The following MMRN1 variants were observed in gnomAD, a reference collection of about 807,000 sequenced individuals.
MMRN1 encodes multimerin-1.
Under a neutral mutation model 100.7 loss-of-function variants are expected in MMRN1, and 94 were observed. The ratio of observed to expected loss-of-function variants is 0.93; its 90% confidence interval spans 0.79 to 1.11. The LOEUF is 1.11. MMRN1 is among the 50% of genes least tolerant of loss of function. The probability of loss-of-function intolerance (pLI) is 0.00; values close to 1 mark genes in which losing one functional copy is unlikely to be tolerated. For synonymous variants in MMRN1, 575 were observed against 505.0 expected (o/e 1.14, Z -1.86); for missense variants, 1,606 against 1,439.1 (o/e 1.12, Z -1.88).
chr4:89,930,326 TAA>T (rs1177290215), intron 5 of MMRN1, among the ~76,000 whole-genome samples: 1 of 152,168 alleles, frequency 6.6e-6, no homozygotes, highest in African/African-American at 2.4e-5. Flanking sequence ...TATTTTTCCA[TAA>T]AAGTGTTAAA....
In MMRN1 at chr4:89,954,327, C is replaced by A. The variant is rs923406592; in HGVS notation, c.*909C>A. The A allele has an allele frequency of 1.3e-5, 2 of 152,154 alleles. No individual in the cohort carries two copies. Among genetic ancestry groups the A allele is most frequent in the South Asian group, 4.2e-4 (2 of 4,814 alleles). 9.4% of individuals were successfully genotyped at this position (152,154 alleles called of 1,614,324 possible). A position where few individuals can be genotyped will look rare whatever the true frequency, so the allele number is the denominator to read the frequency against. ...TACCATGATTTTTATAGTTGAAGAA[C>A]CTAAGACACAGAGACCAAGGCCCAT... is the stretch of plus-strand genomic sequence containing the variant. On this transcript the variant is annotated 3_prime_UTR_variant, in exon 8 of 8. Transcript: ENST00000264790.
rs747670984 is a variant in MMRN1 at position 89,953,096 on chromosome 4, T to A, written c.3365T>A (p.Leu1122Ter). The A allele has an allele frequency of 3.7e-6, 6 of 1,613,896 alleles. No homozygotes were observed. The highest frequency in any genetic ancestry group is 5.1e-6 in the Non-Finnish European group (6 of 1,179,866). Residue 1122 changes from leucine (L) to a stop codon, truncating the protein, a stop_gained, in exon 8 of 8, where the codon TTG becomes TAG. Transcript: ENST00000264790. LOFTEE classifies it high-confidence loss of function. Reference sequence around the variant, plus strand: ...CCTGGTCCTATCCTGTTTAATAACTTGGATGTCAATTATGGAGCTTCATAT... The same window carrying A: ...CCTGGTCCTATCCTGTTTAATAACTAGGATGTCAATTATGGAGCTTCATAT... ...TIPGPILFNN[L>*]DVNYGASYTP... is the part of the protein sequence containing the mutation.
chr4:89,935,527 T>A lies in MMRN1; in HGVS notation c.1847T>A (p.Val616Glu), dbSNP rs371283075. ...QLKDTEENLH[V>E]LNQTLAEVLF... The stretch of plus-strand genomic sequence containing the variant: ...AAGGACACAGAAGAGAATTTACATG[T>A]GTTAAATCAAACATTGGCTGAAGTT... The change falls in exon 6 of 8, where the codon GTG becomes GAG. Residue 616 changes from valine (V) to glutamate (E), a missense_variant. Coordinates refer to ENST00000264790, the MANE Select transcript of MMRN1 (RefSeq NM_007351.3). 1.9e-4 allele frequency: 311 copies of A among 1,613,082 alleles called. No individual in the cohort carries two copies. The highest frequency in any genetic ancestry group is 2.6e-4 in the Non-Finnish European group (305 of 1,179,674).
In MMRN1 at chr4:89,923,158, T is replaced by G. The variant is rs750109004; in HGVS notation, c.851-10T>G. The G allele has an allele frequency of 6.2e-7, 1 of 1,611,186 alleles. No individual in the cohort carries two copies. The highest frequency in any genetic ancestry group is 2.2e-5 in the East Asian group (1 of 44,832). ...TTAACTGTCTCTCTTCTCTTTCTGC[T>G]TCCTTCTAGCCCAGGAACAGCAAAG... On this transcript the variant is annotated splice_polypyrimidine_tract_variant and intron_variant, in intron 3 of 7. Transcript: ENST00000264790.
chr4:89,908,583 T>G (rs1210737924), intron 1 of MMRN1, among the ~76,000 whole-genome samples: 1 of 151,504 alleles, frequency 6.6e-6, no homozygotes, highest in Non-Finnish European at 1.5e-5. Context: ...AACACTTCTT[T>G]TGCTGAATTT....
intron 1 of MMRN1, among the ~76,000 whole-genome samples, chr4:89,889,538 T>C (rs1378558278): frequency 6.6e-6 from 1 of 152,140 alleles, no homozygotes; most frequent in East Asian, 1.9e-4. Flanking sequence ...CACATCCGCC[T>C]GTGGGAGCCA....
In MMRN1 at chr4:89,951,703, G is replaced by A. The variant is rs754162596; in HGVS notation, c.3217G>A (p.Gly1073Ser). ...CTGTGCCTGCAGACATCCTTTTACT[G>A]GTGACAACTGCACTATCAAGCTTGT... Reference protein sequence around the residue: ...FTCACRHPFTGDNCTIKLVEE... With the variant: ...FTCACRHPFTSDNCTIKLVEE... Residue 1073 changes from glycine to serine, a missense_variant, in exon 7 of 8, where the codon GGT becomes AGT. By Grantham distance (56) the Gly-to-Ser change is moderately conservative. Transcript: ENST00000264790. 6 of 1,609,520 alleles carry A rather than the reference G, an allele frequency of 3.7e-6. No homozygotes were observed. Among genetic ancestry groups the A allele is most frequent in the Non-Finnish European group, 5.1e-6 (6 of 1,178,492 alleles).
chr4:89,949,973 TA>T (rs1354739162), intron 6 of MMRN1, among the ~76,000 whole-genome samples: 1 of 152,222 alleles, frequency 6.6e-6, no homozygotes, highest in Admixed American at 6.5e-5. Flanking sequence ...ATCATTACCA[TA>T]AGGTGGCACC....
intron 3 of MMRN1, among the ~76,000 whole-genome samples, chr4:89,917,834 G>A (rs983878581): frequency 3.3e-5 from 5 of 151,832 alleles, no homozygotes; most frequent in Non-Finnish European, 7.4e-5. Context: ...TATCTATTGG[G>A]CTTTCCTGAA....
intron 6 of MMRN1, among the ~76,000 whole-genome samples, chr4:89,948,007 C>T (rs887329486): frequency 6.6e-6 from 1 of 152,084 alleles, no homozygotes; most frequent in African/African-American, 2.4e-5. Flanking sequence ...CACACACCAC[C>T]ACACCCAGCT....
At chr4:89,917,056 A>T (rs1243659529) in intron 3 of MMRN1, among the ~76,000 whole-genome samples, 2 of 151,610 alleles carry the variant, frequency 1.3e-5, no homozygotes, top group Non-Finnish European at 3.0e-5. Context: ...CTCAAATAGG[A>T]TCCTAGAAGA....
At chr4:89,914,180 T>C (rs935511589) in intron 3 of MMRN1, among the ~76,000 whole-genome samples, 5 of 151,560 alleles carry the variant, frequency 3.3e-5, no homozygotes, top group African/African-American at 9.6e-5. Context: ...CTTCTAAATA[T>C]GCAGGGAATA....
chr4:89,911,887 C>T, intron 2 of MMRN1, 57 bp from the exon 3 acceptor site: 1 of 1,191,480 alleles, frequency 8.4e-7, no homozygotes, highest in South Asian at 1.3e-5. Context: ...ATTATTCCGG[C>T]TGATAATTTA....
At chr4:89,891,873 G>C (rs953523501), upstream of MMRN1, among the ~76,000 whole-genome samples, 1 of 151,902 alleles carries the variant, frequency 6.6e-6, no homozygotes, top group African/African-American at 2.4e-5. Flanking sequence ...TATTAATCTG[G>C]TGGAAGTTAG....
intron 1 of MMRN1, among the ~76,000 whole-genome samples, chr4:89,887,107 T>C (rs564423164): frequency 2.6e-5 from 4 of 152,206 alleles, no homozygotes; most frequent in African/African-American, 9.6e-5. Flanking sequence ...AACATGTGTA[T>C]GTTTTTGAAG....
At chr4:89,906,001 C>G (rs1046404218) in intron 1 of MMRN1, among the ~76,000 whole-genome samples, 1 of 151,208 alleles carries the variant, frequency 6.6e-6, no homozygotes, top group Non-Finnish European at 1.5e-5. Flanking sequence ...TTAGATTATC[C>G]CTTTATTTCT....
chr4:89,916,364 G>A (rs1380287365), intron 3 of MMRN1, among the ~76,000 whole-genome samples: 4 of 138,388 alleles, frequency 2.9e-5, no homozygotes, highest in African/African-American at 5.6e-5. Context: ...CTTAGATTCT[G>A]AAAAAAAAAA....
chr4:89,888,073 C>A (rs1201899175), intron 1 of MMRN1, among the ~76,000 whole-genome samples: 1 of 151,192 alleles, frequency 6.6e-6, no homozygotes, highest in African/African-American at 2.4e-5. Context: ...TATCAATTAT[C>A]TACATTTTTT....
At chr4:89,929,189 A>C (rs1444547693) in intron 5 of MMRN1, among the ~76,000 whole-genome samples, 1 of 152,160 alleles carries the variant, frequency 6.6e-6, no homozygotes, top group Admixed American at 6.6e-5. Context: ...TGCAAGTTTC[A>C]GGATTACTGT....
Sources: allele counts gnomAD v4.1 joint callset (sites outside exome capture counted in the v4.1 genomes callset), GRCh38; gene constraint gnomAD v4.1.1; transcripts MANE v1.5; gene names NCBI Gene and HGNC (gene_info 2026-07-23, HGNC 2026-07-21).